The following RGS5 variants were observed in gnomAD, a reference collection of about 807,000 sequenced individuals.
The protein encoded by RGS5 is regulator of G protein signaling 5, also known as regulator of G-protein signalling 5.
Under a neutral mutation model 18.9 loss-of-function variants are expected in RGS5, and 20 were observed. That is an observed-to-expected ratio of 1.06 (90% CI 0.74 to 1.54). RGS5 has a LOEUF of 1.54. Among genes scored for constraint, RGS5 ranks in the 40% most tolerant of loss-of-function variants. The pLI is 0.00. For synonymous variants in RGS5, 57 were observed against 76.2 expected, an observed-to-expected ratio of 0.75 and a Z score of 1.31; for missense variants, 201 against 211.8, an observed-to-expected ratio of 0.95 and a Z score of 0.32.
At chr1:163,208,976 G>C (rs1375296756) in intron 1 of RGS5, among the ~76,000 whole-genome samples, 2 of 151,984 alleles carry the variant, frequency 1.3e-5, no homozygotes, top group African/African-American at 4.8e-5. Flanking sequence ...CCTGCTAATA[G>C]AGAATCTAAC....
At chr1:163,147,931 T>TTTTTTTTG (rs1657214131) in intron 4 of RGS5, among the ~76,000 whole-genome samples, 1 of 138,718 alleles carries the variant, frequency 7.2e-6, no homozygotes, top group Non-Finnish European at 1.5e-5. Context: ...TTTTTTTTTT[T>TTTTTTTTG]TTTTTTTTTG....
chr1:163,297,787 A>G (rs1649457802), intron 2 of RGS5, among the ~76,000 whole-genome samples: 1 of 152,170 alleles, frequency 6.6e-6, no homozygotes. Flanking sequence ...CTCTACAAGA[A>G]CAAGAAACAA....
chr1:163,317,650 G>A (rs1003269343), intron 1 of RGS5, among the ~76,000 whole-genome samples: 5 of 152,134 alleles, frequency 3.3e-5, no homozygotes, highest in Admixed American at 3.3e-4. Context: ...TTAAGAAGGA[G>A]TCCAAACTTT....
At chr1:163,255,100 C>A (rs1452892811) in intron 2 of RGS5, among the ~76,000 whole-genome samples, 4 of 152,168 alleles carry the variant, frequency 2.6e-5, no homozygotes, top group Admixed American at 6.5e-5. Context: ...CAGCTTTGTT[C>A]TTTTAGCTTA....
At chr1:163,152,292 A>G (rs1657404634) in intron 4 of RGS5, among the ~76,000 whole-genome samples, 1 of 152,190 alleles carries the variant, frequency 6.6e-6, no homozygotes, top group Admixed American at 6.5e-5. Flanking sequence ...AATTCATGCA[A>G]GATTTCACAT....
intron 1 of RGS5, among the ~76,000 whole-genome samples, chr1:163,310,893 C>T (rs1209688925): frequency 6.6e-6 from 1 of 152,136 alleles, no homozygotes; most frequent in Non-Finnish European, 1.5e-5. Flanking sequence ...GGAAGCAAGG[C>T]ACCTTCTTCA....
chr1:163,199,575 TA>T (rs1033546114), intron 1 of RGS5, among the ~76,000 whole-genome samples: 1 of 151,962 alleles, frequency 6.6e-6, no homozygotes, highest in African/African-American at 2.4e-5. Flanking sequence ...TTTTGTTGTT[TA>T]AAAAAAAGTT....
chr1:163,264,598 ACTTAT>A (rs1648530903), intron 2 of RGS5, among the ~76,000 whole-genome samples: 1 of 152,132 alleles, frequency 6.6e-6, no homozygotes, highest in Non-Finnish European at 1.5e-5. Context: ...TATCCAACAA[ACTTAT>A]CTTAAACTTT....
At chr1:163,207,626 T>A (rs1473174233), upstream of RGS5, among the ~76,000 whole-genome samples, 1 of 152,210 alleles carries the variant, frequency 6.6e-6, no homozygotes, top group African/African-American at 2.4e-5. Context: ...CCATTAGTTG[T>A]ATATTTCCAT....
At chr1:163,283,893 G>A (rs992938798) in intron 2 of RGS5, among the ~76,000 whole-genome samples, 1 of 152,150 alleles carries the variant, frequency 6.6e-6, no homozygotes, top group Non-Finnish European at 1.5e-5. Flanking sequence ...TTCCAGGCAA[G>A]CTTTCAGATG....
At chr1:163,180,758 A>G (rs1158749163) in intron 1 of RGS5, among the ~76,000 whole-genome samples, 1 of 119,764 alleles carries the variant, frequency 8.3e-6, no homozygotes, top group African/African-American at 3.2e-5. Flanking sequence ...GCAGTGGTGT[A>G]ATCTCGTCTC....
At chr1:163,168,447 G>C in intron 1 of RGS5, 79 bp from the exon 2 acceptor site, 2 of 1,063,060 alleles carry the variant, frequency 1.9e-6, no homozygotes, top group South Asian at 1.4e-5. Context: ...TCCTGTGTCA[G>C]AGAAACAAAA....
At chr1:163,293,198 T>C (rs2101726970) in intron 2 of RGS5, among the ~76,000 whole-genome samples, 1 of 152,308 alleles carries the variant, frequency 6.6e-6, no homozygotes, top group East Asian at 1.9e-4. Context: ...TTGTATGTGG[T>C]GTAAGCAAGG....
At chr1:163,234,855 T>C (rs923100783) in intron 2 of RGS5, among the ~76,000 whole-genome samples, 1 of 152,186 alleles carries the variant, frequency 6.6e-6, no homozygotes, top group Non-Finnish European at 1.5e-5. Flanking sequence ...AGTCTGTCAA[T>C]TGGCTCTGGC....
At chr1:163,181,010 A>G (rs1557893368) in intron 1 of RGS5, among the ~76,000 whole-genome samples, 2 of 151,906 alleles carry the variant, frequency 1.3e-5, no homozygotes, top group Admixed American at 6.6e-5. Flanking sequence ...TCTTATCCCT[A>G]GCAACCGCTG....
At chr1:163,269,269 T>C (rs1404568070) in intron 2 of RGS5, among the ~76,000 whole-genome samples, 3 of 152,124 alleles carry the variant, frequency 2.0e-5, no homozygotes, top group Admixed American at 2.0e-4. Flanking sequence ...GGCACCTCAG[T>C]TTGCCCATCT....
rs1656971959 is a variant in RGS5 at position 163,142,722 on chromosome 1, T to C, written c.*4620A>G. 6.6e-6 allele frequency: 1 copy of C among 152,202 alleles called. No individual in the cohort carries two copies. The allele number at this position is 152,202 out of a possible 1,614,324, so 9.4% of individuals were successfully genotyped here. On this transcript the variant is annotated 3_prime_UTR_variant, in exon 5 of 5. Coordinates refer to ENST00000313961, the MANE Select transcript of RGS5 (RefSeq NM_003617.4). Reference sequence around the variant, plus strand: ...TAGAAAGGAAGTTAAATGCTTTTAATGTATTAATTATTACATTATTGAAGT... The same window carrying C: ...TAGAAAGGAAGTTAAATGCTTTTAACGTATTAATTATTACATTATTGAAGT...
intron 1 of RGS5, among the ~76,000 whole-genome samples, chr1:163,168,633 A>G (rs79995867): frequency 6.6e-6 from 1 of 152,290 alleles, no homozygotes; most frequent in East Asian, 1.9e-4. Context: ...CTCATTTTAT[A>G]TCTGCAGACA....
intron 4 of RGS5, among the ~76,000 whole-genome samples, chr1:163,147,918 CTTTT>C (rs534448527): frequency 6.4e-5 from 5 of 78,092 alleles, no homozygotes; most frequent in Non-Finnish European, 1.1e-4. Context: ...TTTTCTTTTT[CTTTT>C]TTTTTTTTTT....
Sources: gnomAD v4.1 joint callset for allele counts (sites outside exome capture counted in the v4.1 genomes callset) on GRCh38, gnomAD v4.1.1 for gene constraint, MANE v1.5 for transcripts, NCBI Gene and HGNC (gene_info 2026-07-23, HGNC 2026-07-21) for gene names.